Variants in OXSR1 observed in about 807,000 individuals in gnomAD.
OXSR1 encodes oxidative stress responsive kinase 1.
OXSR1 carries 24 observed loss-of-function variants against 79.8 expected under a neutral mutation model. The observed-to-expected ratio is 0.30, with a 90% CI of 0.22 to 0.42. The LOEUF is 0.42. Among genes scored for constraint, OXSR1 ranks in the 10% least tolerant of loss-of-function variants. OXSR1 has a pLI of 1.00. For missense variants in OXSR1, 430 were observed against 618.4 expected (o/e 0.70, Z 3.23); for synonymous variants, 226 against 209.2 (o/e 1.08, Z -0.69).
chr3:38,223,643 T>G (rs1702632806), intron 6 of OXSR1, among the ~76,000 whole-genome samples, 169 bp from the exon 7 acceptor site: 1 of 150,780 alleles, frequency 6.6e-6, no homozygotes, highest in African/African-American at 2.4e-5. Flanking sequence ...AGTGATGGAG[T>G]TTCTCCATGT....
At chr3:38,218,725 T>C (rs529286323) in intron 5 of OXSR1, among the ~76,000 whole-genome samples, 1 of 152,318 alleles carries the variant, frequency 6.6e-6, no homozygotes, top group Non-Finnish European at 1.5e-5. Context: ...GTATTATATC[T>C]CAGAAATCAT....
chr3:38,202,287 T>A (rs1702179033), intron 4 of OXSR1, among the ~76,000 whole-genome samples: 1 of 152,144 alleles, frequency 6.6e-6, no homozygotes, highest in Admixed American at 6.5e-5. Context: ...TTTCTTGGGA[T>A]AAGGCAAGAT....
chr3:38,252,450 C>G, intron 17 of OXSR1, 58 bp downstream of exon 17: 1 of 1,102,632 alleles, frequency 9.1e-7, no homozygotes, highest in Non-Finnish European at 1.4e-6. Flanking sequence ...GGCAGCTTCT[C>G]CAGACCAGCT....
At position 38,205,669 on chromosome 3, in the gene OXSR1, C is replaced by T. The variant is rs536462547; in HGVS notation, c.434+6806C>T. Among the ~76,000 whole-genome samples, 11 of 152,250 alleles carry T rather than the reference C, an allele frequency of 7.2e-5. No individual in the cohort carries two copies. In the South Asian group the frequency reaches 1.9e-3, roughly 26 times the overall value. On this transcript the variant is annotated intron_variant, in intron 4 of 17. Coordinates refer to ENST00000311806, the MANE Select transcript of OXSR1 (RefSeq NM_005109.3). ...ACAGTGTCACTGGGTGTAGGTGTTG[C>T]CTACCATGTCCAATCAAAGGAGCCT...
intron 10 of OXSR1, among the ~76,000 whole-genome samples, chr3:38,236,290 T>C (rs1702917138): frequency 6.6e-6 from 1 of 152,054 alleles, no homozygotes; most frequent in African/African-American, 2.4e-5. Context: ...AAAAAATCAG[T>C]GAATAATGAT....
At chr3:38,209,350 C>G (rs1702338378) in intron 4 of OXSR1, among the ~76,000 whole-genome samples, 1 of 151,842 alleles carries the variant, frequency 6.6e-6, no homozygotes, top group African/African-American at 2.4e-5. Context: ...TCCCAAATAG[C>G]TGGCCCACAG....
At chr3:38,188,942 A>G (rs961909948) in intron 2 of OXSR1, among the ~76,000 whole-genome samples, 1 of 152,168 alleles carries the variant, frequency 6.6e-6, no homozygotes, top group Non-Finnish European at 1.5e-5. Flanking sequence ...AGGACTCCCC[A>G]TGTTGATCGA....
chr3:38,176,124 C>T (rs1320802098), intron 1 of OXSR1, among the ~76,000 whole-genome samples: 1 of 152,048 alleles, frequency 6.6e-6, no homozygotes, highest in East Asian at 1.9e-4. Context: ...AATATTTATA[C>T]TGAAGTAACA....
intron 11 of OXSR1, among the ~76,000 whole-genome samples, chr3:38,240,248 G>C (rs1363176505): frequency 6.6e-6 from 1 of 152,088 alleles, no homozygotes; most frequent in Non-Finnish European, 1.5e-5. Flanking sequence ...TTTCATAGTT[G>C]TATATGCAAA....
chr3:38,183,924 A>C (rs1482802689), intron 2 of OXSR1, among the ~76,000 whole-genome samples: 1 of 152,220 alleles, frequency 6.6e-6, no homozygotes, highest in Non-Finnish European at 1.5e-5. Flanking sequence ...CTTTGGCTTA[A>C]TGAAAATAAT....
At chr3:38,196,033 A>G (rs1702067217) in intron 3 of OXSR1, among the ~76,000 whole-genome samples, 1 of 152,180 alleles carries the variant, frequency 6.6e-6, no homozygotes, top group Non-Finnish European at 1.5e-5. Flanking sequence ...GCCCTACCTC[A>G]GTTCTCTTGA....
intron 14 of OXSR1, among the ~76,000 whole-genome samples, chr3:38,248,897 G>A (rs1467629730): frequency 6.6e-6 from 1 of 152,156 alleles, no homozygotes; most frequent in African/African-American, 2.4e-5. Context: ...CTGTGGAAAG[G>A]TGGATACTGA....
At chr3:38,190,957 A>T in intron 3 of OXSR1, 118 bp downstream of exon 3, 2 of 668,852 alleles carry the variant, frequency 3.0e-6, no homozygotes, top group South Asian at 3.5e-5. Flanking sequence ...AGATACTGAA[A>T]ATATAGTATT....
chr3:38,169,354 G>C (rs1701530922), intron 1 of OXSR1, among the ~76,000 whole-genome samples: 1 of 151,746 alleles, frequency 6.6e-6, no homozygotes, highest in Admixed American at 6.6e-5. Context: ...TGCCCAGGCT[G>C]GGGTGCAGTG....
At position 38,165,569 on chromosome 3, in the gene OXSR1, A is replaced by ACAGAGGGGCTGGGGTGGAGGGCGGGC; in HGVS notation, c.-295_-294insGTGGAGGGCGGGCCAGAGGGGCTGGG. On this transcript the variant is annotated 5_prime_UTR_variant, in exon 1 of 18. Transcript: ENST00000311806. Reference sequence around the variant, plus strand: ...GCGTGGGGCTGGGGTGGAGGGCGGGACAGAGGGGCTGGGCCCAGGCAAAGC... The same window carrying ACAGAGGGGCTGGGGTGGAGGGCGGGC: ...GCGTGGGGCTGGGGTGGAGGGCGGGACAGAGGGGCTGGGGTGGAGGGCGGGCCAGAGGGGCTGGGCCCAGGCAAAGC... 1 of 377,108 alleles carries ACAGAGGGGCTGGGGTGGAGGGCGGGC rather than the reference A, an allele frequency of 2.7e-6. No individual in the cohort carries two copies. Among genetic ancestry groups the ACAGAGGGGCTGGGGTGGAGGGCGGGC allele is most frequent in the Non-Finnish European group, 4.8e-6 (1 of 208,754 alleles). 23.4% of individuals were successfully genotyped at this position (377,108 alleles called of 1,614,324 possible).
chr3:38,188,976 G>C (rs552019977), intron 2 of OXSR1, among the ~76,000 whole-genome samples: 1 of 152,194 alleles, frequency 6.6e-6, no homozygotes, highest in Non-Finnish European at 1.5e-5. Flanking sequence ...TACCTGGCAC[G>C]TAGTAGGGAT....
intron 1 of OXSR1, among the ~76,000 whole-genome samples, chr3:38,170,365 A>C (rs988756865): frequency 6.6e-6 from 1 of 152,040 alleles, no homozygotes; most frequent in Non-Finnish European, 1.5e-5. Flanking sequence ...TTCTTAATGG[A>C]GTCTTTTAAA....
intron 10 of OXSR1, 153 bp from the exon 11 acceptor site, chr3:38,236,686 T>G: frequency 3.4e-6 from 2 of 583,960 alleles, no homozygotes; most frequent in Non-Finnish European, 2.9e-6. Flanking sequence ...GAGCAGGTGA[T>G]GGTTGGAGGA....
intron 5 of OXSR1, among the ~76,000 whole-genome samples, chr3:38,217,792 C>T (rs563258182): frequency 6.6e-6 from 1 of 152,170 alleles, no homozygotes; most frequent in Non-Finnish European, 1.5e-5. Context: ...CCTCTCACCC[C>T]AGCCATGGGT....
Sources: gnomAD v4.1 joint callset for allele counts (sites outside exome capture counted in the v4.1 genomes callset) on GRCh38, gnomAD v4.1.1 for gene constraint, MANE v1.5 for transcripts, NCBI Gene and HGNC (gene_info 2026-07-23, HGNC 2026-07-21) for gene names.